The following NELL1 variants were observed in gnomAD, a reference collection of about 807,000 sequenced individuals.
NELL1 encodes the protein neural EGFL like 1, also known as protein kinase C-binding protein NELL1.
In NELL1, 76 loss-of-function variants were observed where a neutral mutation model predicts 107.4. The observed-to-expected ratio is 0.71, with a 90% CI of 0.59 to 0.86. The LOEUF is 0.86. NELL1 is among the 40% of genes least tolerant of loss of function. The probability of loss-of-function intolerance (pLI) is 0.00; values close to 1 mark genes in which losing one functional copy is unlikely to be tolerated. For missense variants in NELL1, 1,024 were observed against 1,005.5 expected, an observed-to-expected ratio of 1.02 and a Z score of -0.25; for synonymous variants, 353 against 341.2, an observed-to-expected ratio of 1.03 and a Z score of -0.38.
chr11:21,453,777 G>A (rs564871950), intron 15 of NELL1, among the ~76,000 whole-genome samples: 1 of 142,528 alleles, frequency 7.0e-6, no homozygotes, highest in South Asian at 2.2e-4. Context: ...CTATTAGCTT[G>A]TTAGCTATAA....
At chr11:21,435,454 T>C (rs1330972919) in intron 15 of NELL1, among the ~76,000 whole-genome samples, 1 of 151,572 alleles carries the variant, frequency 6.6e-6, no homozygotes, top group East Asian at 1.9e-4. Context: ...TGTTTTTTTT[T>C]TACCATGAAG....
At chr11:20,673,879 AG>A (rs1182338765) in intron 1 of NELL1, among the ~76,000 whole-genome samples, 5 of 152,016 alleles carry the variant, frequency 3.3e-5, no homozygotes, top group Admixed American at 1.3e-4. Flanking sequence ...ACACTACATA[AG>A]GTTCAAGACA....
intron 17 of NELL1, among the ~76,000 whole-genome samples, chr11:21,564,634 G>A (rs139018763): frequency 1.3e-5 from 2 of 151,666 alleles, no homozygotes; most frequent in Admixed American, 6.6e-5. Context: ...AATGTGAGTA[G>A]CCTTCATCGT....
chr11:20,907,554 A>G (rs1850029409), intron 5 of NELL1, among the ~76,000 whole-genome samples: 1 of 152,134 alleles, frequency 6.6e-6, no homozygotes, highest in Non-Finnish European at 1.5e-5. Flanking sequence ...ATAATTTTTA[A>G]ATAAAATTCC....
chr11:21,012,216 A>G (rs138765617), intron 12 of NELL1, among the ~76,000 whole-genome samples: 252 of 152,264 alleles, frequency 1.7e-3, no homozygotes, highest in African/African-American at 5.9e-3. Context: ...TGTTTTTTAC[A>G]GCATCCTGGC....
intron 14 of NELL1, among the ~76,000 whole-genome samples, chr11:21,324,493 C>T (rs1270599077): frequency 2.6e-5 from 4 of 152,070 alleles, no homozygotes; most frequent in African/African-American, 9.7e-5. Flanking sequence ...TCTTCAGATA[C>T]TGTGATGCTG....
intron 12 of NELL1, among the ~76,000 whole-genome samples, chr11:21,110,254 T>A (rs573075833): frequency 2.0e-5 from 3 of 152,208 alleles, no homozygotes; most frequent in Admixed American, 2.0e-4. Context: ...TTAATAATGG[T>A]ATAAACTGAA....
At chr11:21,052,489 G>A (rs916664164) in intron 12 of NELL1, among the ~76,000 whole-genome samples, 3 of 152,050 alleles carry the variant, frequency 2.0e-5, no homozygotes, top group Admixed American at 2.0e-4. Flanking sequence ...ATATATGTTG[G>A]GAGTATAGCC....
intron 14 of NELL1, among the ~76,000 whole-genome samples, chr11:21,344,551 G>C (rs1254679701): frequency 6.6e-6 from 1 of 151,678 alleles, no homozygotes; most frequent in Non-Finnish European, 1.5e-5. Context: ...GCAGTATCCT[G>C]TATGTGCATA....
At chr11:20,679,312 G>C (rs945196781) in intron 2 of NELL1, among the ~76,000 whole-genome samples, 7 of 152,198 alleles carry the variant, frequency 4.6e-5, no homozygotes, top group Non-Finnish European at 1.0e-4. Context: ...AGATACCATA[G>C]TAAGGCAGCC....
intron 13 of NELL1, among the ~76,000 whole-genome samples, chr11:21,226,663 C>T (rs1238867609): frequency 6.6e-6 from 1 of 152,118 alleles, no homozygotes; most frequent in Non-Finnish European, 1.5e-5. Flanking sequence ...CAATTCCTCT[C>T]CTCAAAGTCA....
chr11:21,567,051 A>C (rs1856989052), intron 17 of NELL1, among the ~76,000 whole-genome samples: 1 of 151,794 alleles, frequency 6.6e-6, no homozygotes, highest in South Asian at 2.1e-4. Flanking sequence ...ATTGAGTCTC[A>C]TAGCCTGTTG....
chr11:21,233,962 A>C (rs187672960), intron 14 of NELL1, among the ~76,000 whole-genome samples: 2 of 152,382 alleles, frequency 1.3e-5, no homozygotes, highest in African/African-American at 4.8e-5. Flanking sequence ...AAAATAAATA[A>C]GACAAGTCCC....
At chr11:21,097,850 C>A (rs1854687120) in intron 12 of NELL1, among the ~76,000 whole-genome samples, 1 of 152,080 alleles carries the variant, frequency 6.6e-6, no homozygotes, top group East Asian at 1.9e-4. Context: ...TTAGTTTATG[C>A]ATTCATTCAG....
chr11:21,237,204 A>G (rs370387338), intron 14 of NELL1, among the ~76,000 whole-genome samples: 1 of 152,234 alleles, frequency 6.6e-6, no homozygotes, highest in African/African-American at 2.4e-5. Context: ...TTGGGCAACT[A>G]CCTGTACCTT....
intron 14 of NELL1, among the ~76,000 whole-genome samples, chr11:21,368,630 A>T (rs1474582138): frequency 6.6e-6 from 1 of 152,048 alleles, no homozygotes; most frequent in Non-Finnish European, 1.5e-5. Flanking sequence ...TACCTCCATG[A>T]AAAGAATGAA....
chr11:21,221,031 T>A, intron 13 of NELL1, among the ~76,000 whole-genome samples: 1 of 152,172 alleles, frequency 6.6e-6, no homozygotes, highest in East Asian at 1.9e-4. Flanking sequence ...TTATTGTGTC[T>A]GGGTATGCTG....
intron 15 of NELL1, among the ~76,000 whole-genome samples, chr11:21,442,116 T>C (rs147737619): frequency 7.5e-4 from 114 of 152,346 alleles, no homozygotes; most frequent in Middle Eastern, 6.9e-3. Context: ...AGTAGACTGA[T>C]GTTTAAAATA....
intron 15 of NELL1, among the ~76,000 whole-genome samples, chr11:21,470,514 C>T (rs1854149694): frequency 6.6e-6 from 1 of 152,086 alleles, no homozygotes; most frequent in South Asian, 2.1e-4. Flanking sequence ...AAACTTAGCT[C>T]CAACATTAAT....
Sources: gnomAD v4.1 joint callset for allele counts (sites outside exome capture counted in the v4.1 genomes callset) on GRCh38, gnomAD v4.1.1 for gene constraint, MANE v1.5 for transcripts, NCBI Gene and HGNC (gene_info 2026-07-23, HGNC 2026-07-21) for gene names.